HDAC9: variants seen among roughly 807,000 people sequenced by gnomAD.
HDAC9 encodes MEF-2 interacting transcription repressor (MITR) protein.
Under a neutral mutation model 139.4 loss-of-function variants are expected in HDAC9, and 41 were observed. The observed-to-expected ratio is 0.29, with a 90% CI of 0.23 to 0.38. The LOEUF is 0.38. Among genes scored for constraint, HDAC9 ranks in the 10% least tolerant of loss-of-function variants. The pLI is 1.00. For missense variants in HDAC9, 1,147 were observed against 1,297.0 expected, an observed-to-expected ratio of 0.88 and a Z score of 1.78; for synonymous variants, 517 against 476.2, an observed-to-expected ratio of 1.09 and a Z score of -1.12.
intron 23 of HDAC9, among the ~76,000 whole-genome samples, chr7:18,941,774 T>TG (rs1782046246): frequency 6.6e-6 from 1 of 152,130 alleles, no homozygotes; most frequent in Non-Finnish European, 1.5e-5. Context: ...TAAAACTGTT[T>TG]GGGGAAAATA....
intron 12 of HDAC9, among the ~76,000 whole-genome samples, chr7:18,694,433 TGA>T (rs1782890830): frequency 6.6e-6 from 1 of 152,120 alleles, no homozygotes; most frequent in African/African-American, 2.4e-5. Context: ...CTTAACGTAA[TGA>T]GATAAATGGC....
chr7:18,785,967 ATAT>A (rs1413999416), intron 16 of HDAC9, among the ~76,000 whole-genome samples: 1 of 152,202 alleles, frequency 6.6e-6, no homozygotes, highest in Non-Finnish European at 1.5e-5. Flanking sequence ...CTAGACAATA[ATAT>A]TATTGTTATT....
intron 22 of HDAC9, among the ~76,000 whole-genome samples, chr7:18,900,942 T>C (rs1801646099): frequency 6.6e-6 from 1 of 152,076 alleles, no homozygotes; most frequent in African/African-American, 2.4e-5. Context: ...AAGAAATGGA[T>C]GGACCCCGCC....
intron 25 of HDAC9, among the ~76,000 whole-genome samples, chr7:18,995,478 A>G (rs528316102): frequency 6.5e-4 from 99 of 152,364 alleles, no homozygotes; most frequent in African/African-American, 2.3e-3. Flanking sequence ...CTATTTACAC[A>G]CTACCATAGT....
chr7:18,831,977 C>G (rs927745882), intron 19 of HDAC9, among the ~76,000 whole-genome samples: 6 of 152,192 alleles, frequency 3.9e-5, no homozygotes, highest in African/African-American at 1.2e-4. Flanking sequence ...TTGCCTACTA[C>G]TTTGGGTCAC....
rs1005089770 is a variant in HDAC9 at position 18,998,142 on chromosome 7, T to C, written c.*2080T>C. The C allele has an allele frequency of 2.6e-5, 4 of 152,224 alleles. No homozygotes were observed. Among genetic ancestry groups the C allele is most frequent in the African/African-American group, 7.2e-5 (3 of 41,466 alleles). The allele number at this position is 152,224 out of a possible 1,614,324, so 9.4% of individuals were successfully genotyped here. On this transcript the variant is annotated 3_prime_UTR_variant, in exon 26 of 26. Coordinates refer to ENST00000686413, the MANE Select transcript of HDAC9 (RefSeq NM_178425.4). ...TCCCCCATTTTAAAAAGGAAACTCA[T>C]GTTTTAATTAGAAAAATAATTGTGT...
intron 1 of HDAC9, among the ~76,000 whole-genome samples, chr7:18,413,783 C>A (rs748961758): frequency 6.6e-6 from 1 of 152,078 alleles, no homozygotes; most frequent in Non-Finnish European, 1.5e-5. Context: ...TACATCATTG[C>A]AAGACTGAGG....
intron 2 of HDAC9, among the ~76,000 whole-genome samples, chr7:18,185,494 G>C (rs1033998904): frequency 6.6e-6 from 1 of 152,098 alleles, no homozygotes; most frequent in Non-Finnish European, 1.5e-5. Context: ...TTCTAAAAGA[G>C]GAAATATTGT....
intron 12 of HDAC9, among the ~76,000 whole-genome samples, chr7:18,676,547 T>G (rs1024839538): frequency 3.3e-5 from 5 of 152,096 alleles, no homozygotes; most frequent in African/African-American, 7.2e-5. Context: ...ATTTTGGTCA[T>G]GAAGATGGTG....
chr7:18,128,835 C>T (rs998544745), intron 1 of HDAC9, among the ~76,000 whole-genome samples: 3 of 151,928 alleles, frequency 2.0e-5, no homozygotes, highest in Non-Finnish European at 4.4e-5. Flanking sequence ...GTCTTCCTTC[C>T]CTCTCTTCCT....
rs144302694 is a variant in HDAC9 at position 18,848,431 on chromosome 7, T to A, written c.2684+12434T>A. On this transcript the variant is annotated intron_variant, in intron 21 of 25. Coordinates refer to ENST00000686413, the MANE Select transcript of HDAC9 (RefSeq NM_178425.4). ...GGGTGGCAATTAGGGTTAGATGGAA[T>A]CTTGAGGGTAGGTGCCCTTATGAGC... is the stretch of plus-strand genomic sequence containing the variant. 8.2e-4 allele frequency among the ~76,000 whole-genome samples: 125 copies of A among 152,136 alleles called. 3 individuals are homozygous for A. Among genetic ancestry groups the A allele is most frequent in the Admixed American group, 6.2e-3 (95 of 15,270 alleles).
chr7:18,936,153 A>G (rs921093777), intron 23 of HDAC9, among the ~76,000 whole-genome samples: 1 of 152,186 alleles, frequency 6.6e-6, no homozygotes, highest in East Asian at 1.9e-4. Context: ...ACTCCCTTCA[A>G]TCAGGTTAGC....
chr7:18,108,947 G>A (rs929125012), intron 1 of HDAC9, among the ~76,000 whole-genome samples: 1 of 152,094 alleles, frequency 6.6e-6, no homozygotes, highest in Non-Finnish European at 1.5e-5. Flanking sequence ...GAATATGTTA[G>A]CCAGTCAAAA....
intron 2 of HDAC9, among the ~76,000 whole-genome samples, chr7:18,202,986 G>GTT (rs1170374855): frequency 3.9e-5 from 6 of 152,176 alleles, no homozygotes; most frequent in Admixed American, 3.3e-4. Flanking sequence ...ATGAATATAT[G>GTT]TAAAGCAGTT....
rs17139769 is a variant in HDAC9, at chr7:18,727,763, A to C, written c.1909+6A>C. On this transcript the variant is annotated splice_donor_region_variant and intron_variant, in intron 13 of 25. Coordinates refer to ENST00000686413, the MANE Select transcript of HDAC9 (RefSeq NM_178425.4). ...CCAGCCTGGCTCTGCAACTGGTAGG[A>C]ATCCCTAAAGACTCTCTCTAATAGG... The C allele has an allele frequency of 0.019, 29,083 of 1,509,528 alleles. 1,176 individuals carry two copies. The highest frequency in any genetic ancestry group is 0.12 in the East Asian group (4,909 of 40,874). The allele number at this position is 1,509,528 out of a possible 1,614,324, so 93.5% of individuals were successfully genotyped here.
chr7:18,697,637 A>G (rs926326949), intron 12 of HDAC9, among the ~76,000 whole-genome samples: 2 of 152,178 alleles, frequency 1.3e-5, no homozygotes, highest in African/African-American at 4.8e-5. Flanking sequence ...TTAGACACTG[A>G]TATTCCTAAA....
At chr7:18,250,865 A>C (rs1438175323) in intron 2 of HDAC9, among the ~76,000 whole-genome samples, 1 of 151,942 alleles carries the variant, frequency 6.6e-6, no homozygotes, top group African/African-American at 2.4e-5. Flanking sequence ...GCATTTCTCT[A>C]ATGATTAGTG....
At chr7:18,994,162 C>T (rs1262452414) in intron 25 of HDAC9, among the ~76,000 whole-genome samples, 1 of 152,086 alleles carries the variant, frequency 6.6e-6, no homozygotes, top group African/African-American at 2.4e-5. Context: ...ATTTCCCACA[C>T]GTGACTGTCT....
intron 2 of HDAC9, among the ~76,000 whole-genome samples, chr7:18,534,643 A>C (rs539047288): frequency 4.6e-5 from 7 of 152,252 alleles, no homozygotes; most frequent in Non-Finnish European, 1.0e-4. Context: ...CAAGGAAAGA[A>C]TTTTCCCAGC....
Sources: allele counts gnomAD v4.1 joint callset (sites outside exome capture counted in the v4.1 genomes callset), GRCh38; gene constraint gnomAD v4.1.1; transcripts MANE v1.5; gene names NCBI Gene and HGNC (gene_info 2026-07-23, HGNC 2026-07-21).